Variants in JAK1 observed in about 807,000 individuals in gnomAD.
JAK1 encodes the protein tyrosine-protein kinase JAK1.
Under a neutral mutation model 136.6 loss-of-function variants are expected in JAK1, and 16 were observed. The ratio of observed to expected loss-of-function variants is 0.12; its 90% CI spans 0.08 to 0.18. The LOEUF is 0.18. JAK1 is among the 10% of genes least tolerant of loss of function. The pLI is 1.00. For missense variants in JAK1, 859 were observed against 1,450.1 expected (o/e 0.59, Z 6.62); for synonymous variants, 492 against 519.5 (o/e 0.95, Z 0.72).
At chr1:65,030,544 T>G (rs928047366) in intron 2 of JAK1, among the ~76,000 whole-genome samples, 1 of 151,958 alleles carries the variant, frequency 6.6e-6, no homozygotes, top group African/African-American at 2.4e-5. Context: ...CAATTTTTTT[T>G]TTTTTTGAGA....
At chr1:65,053,514 G>C (rs1647388088) in intron 1 of JAK1, among the ~76,000 whole-genome samples, 1 of 152,306 alleles carries the variant, frequency 6.6e-6, no homozygotes, top group Non-Finnish European at 1.5e-5. Context: ...TAAGAGGTTT[G>C]TCTCAAAGAG....
At chr1:64,987,225 ATTCTAT>A in intron 2 of JAK1, 1 of 152,240 alleles carries the variant, frequency 6.6e-6, no homozygotes, top group South Asian at 2.1e-4. Flanking sequence ...ATCACAATCC[ATTCTAT>A]TTTGCTTGCA....
At chr1:64,958,948 T>C (rs1390344944) in intron 1 of JAK1, among the ~76,000 whole-genome samples, 1 of 152,246 alleles carries the variant, frequency 6.6e-6, no homozygotes, top group African/African-American at 2.4e-5. Flanking sequence ...CAAGTGTATG[T>C]GAAAATAACA....
At chr1:64,876,901 A>C (rs979724352) in intron 4 of JAK1, among the ~76,000 whole-genome samples, 23 of 152,266 alleles carry the variant, frequency 1.5e-4, no homozygotes, top group African/African-American at 5.5e-4. Context: ...TGCATATTTT[A>C]AGTTTATATG....
intron 15 of JAK1, 93 bp downstream of exon 15, chr1:64,845,420 C>T: frequency 6.9e-7 from 1 of 1,448,918 alleles, no homozygotes; most frequent in Non-Finnish European, 9.6e-7. Flanking sequence ...GGACAGGCCC[C>T]TCTAGCTGCT....
Position 64,850,914 on chromosome 1 carries a change from T to C in JAK1, c.1649-4A>G. 6.3e-7 allele frequency: 1 copy of C among 1,595,502 alleles called. No individual in the cohort carries two copies. Among genetic ancestry groups the C allele is most frequent in the Non-Finnish European group, 8.6e-7 (1 of 1,163,166 alleles). ...GCCACCAGCAGGTTGGAGATTTCTG[T>C]GGAAGAGATTGGGGGAGTCTGAGCA... On this transcript the variant is annotated splice_polypyrimidine_tract_variant and splice_region_variant and intron_variant, in intron 11 of 24. Coordinates refer to ENST00000342505, the MANE Select transcript of JAK1 (RefSeq NM_002227.4).
chr1:64,859,154 A>G (rs138232390), intron 9 of JAK1, among the ~76,000 whole-genome samples: 19 of 152,372 alleles, frequency 1.2e-4, no homozygotes, highest in African/African-American at 4.1e-4. Flanking sequence ...AAGAGGGAAG[A>G]AGGTGAGAAG....
At chr1:64,858,921 T>C (rs1044079549) in intron 9 of JAK1, among the ~76,000 whole-genome samples, 26 of 152,132 alleles carry the variant, frequency 1.7e-4, no homozygotes, top group African/African-American at 6.3e-4. Context: ...CTGAAGGAAG[T>C]GGAGGCTGTG....
At chr1:65,007,286 G>T (rs1646811127) in intron 2 of JAK1, among the ~76,000 whole-genome samples, 1 of 152,130 alleles carries the variant, frequency 6.6e-6, no homozygotes, top group Non-Finnish European at 1.5e-5. Context: ...TTGGTCTCTT[G>T]TCTTCTCTCT....
chr1:64,889,765 G>C (rs972596073), intron 1 of JAK1, among the ~76,000 whole-genome samples: 4 of 152,186 alleles, frequency 2.6e-5, no homozygotes, highest in Admixed American at 2.0e-4. Flanking sequence ...TGAAAGACTG[G>C]TATCTGCGCA....
chr1:65,062,480 T>G (rs1168755000), intron 1 of JAK1, among the ~76,000 whole-genome samples: 4 of 152,180 alleles, frequency 2.6e-5, no homozygotes, highest in Admixed American at 2.0e-4. Flanking sequence ...ATTCCCTTAA[T>G]GGACAGCTAA....
chr1:64,901,806 A>G (rs1261078528), intron 1 of JAK1, among the ~76,000 whole-genome samples: 1 of 152,096 alleles, frequency 6.6e-6, no homozygotes, highest in East Asian at 1.9e-4. Flanking sequence ...ATTCTCCCCT[A>G]TCGCATCCCC....
chr1:64,838,454 T>C lies in JAK1; in HGVS notation c.2967+11A>G, dbSNP rs374875341. 67 of 1,613,422 alleles carry C rather than the reference T, an allele frequency of 4.2e-5. No individual in the cohort carries two copies. The highest frequency in any genetic ancestry group is 1.8e-4 in the Admixed American group (11 of 59,912). ...TGTCTTAATCTGTAACATGATGTCTTTATTTTTTACCTTACAAATCTGAAC... is the reference window on the plus strand; with the variant it reads ...TGTCTTAATCTGTAACATGATGTCTCTATTTTTTACCTTACAAATCTGAAC... On this transcript the variant is annotated intron_variant, in intron 21 of 24. Transcript: ENST00000342505.
At chr1:64,868,904 C>T (rs929167889) in intron 6 of JAK1, among the ~76,000 whole-genome samples, 1 of 152,138 alleles carries the variant, frequency 6.6e-6, no homozygotes, top group Non-Finnish European at 1.5e-5. Flanking sequence ...ACTACTGTAA[C>T]GTGTTCAGAG....
intron 23 of JAK1, 95 bp downstream of exon 23, chr1:64,836,003 T>C (rs1654457819): frequency 7.0e-6 from 5 of 718,154 alleles, no homozygotes; most frequent in Non-Finnish European, 1.0e-5. Flanking sequence ...AATACATTCA[T>C]TGGATTCCAT....
intron 2 of JAK1, among the ~76,000 whole-genome samples, chr1:65,004,594 T>G (rs889849481): frequency 1.3e-5 from 2 of 151,956 alleles, no homozygotes; most frequent in African/African-American, 4.8e-5. Context: ...GCTGACCAAC[T>G]ATACCAAATG....
chr1:65,001,722 C>T (rs564923083), intron 2 of JAK1, among the ~76,000 whole-genome samples: 2 of 145,986 alleles, frequency 1.4e-5, no homozygotes, highest in Admixed American at 1.4e-4. Flanking sequence ...AGTGTGTGTG[C>T]GTGTGGTATG....
In JAK1 at chr1:65,018,495, C is replaced by CACACAA. The variant is rs1553181620; in HGVS notation, c.-78+25984_-78+25985insTTGTGT. ...GAGAGAGAGAGAGAGAGAACACACA[C>CACACAA]ACACACACACACACACACACACGCT... On this transcript the variant is annotated intron_variant, in intron 2 of 25. Transcript: ENST00000671954. Among the ~76,000 whole-genome samples, 20 of 149,102 alleles carry CACACAA rather than the reference C, an allele frequency of 1.3e-4. 1 individual carries two copies. Among genetic ancestry groups the CACACAA allele is most frequent in the African/African-American group, 4.5e-4 (18 of 40,208 alleles).
At chr1:64,910,661 T>C (rs1321019662) in intron 1 of JAK1, among the ~76,000 whole-genome samples, 1 of 151,974 alleles carries the variant, frequency 6.6e-6, no homozygotes, top group Non-Finnish European at 1.5e-5. Context: ...TGGCGAAACC[T>C]TGTCTCTACT....
Sources: gnomAD v4.1 joint callset for allele counts (sites outside exome capture counted in the v4.1 genomes callset) on GRCh38, gnomAD v4.1.1 for gene constraint, MANE v1.5 for transcripts, NCBI Gene and HGNC (gene_info 2026-07-23, HGNC 2026-07-21) for gene names.